ZBTB20: variants seen among roughly 807,000 people sequenced by gnomAD.
ZBTB20 encodes the protein zinc finger and BTB domain containing 20, also known as zinc finger and BTB domain-containing protein 20.
In ZBTB20, 9 loss-of-function variants were observed where a neutral mutation model predicts 56.9. The ratio of observed to expected loss-of-function variants is 0.16; its 90% CI spans 0.10 to 0.28. The LOEUF is 0.28. Ranked by LOEUF, ZBTB20 falls within the 10% of genes least tolerant of loss-of-function variation. The pLI is 1.00. For missense variants in ZBTB20, 655 were observed against 1,003.0 expected (o/e 0.65, Z 4.69); for synonymous variants, 417 against 420.7 (o/e 0.99, Z 0.11).
chr3:114,767,462 CT>C (rs1489117052), intron 5 of ZBTB20, among the ~76,000 whole-genome samples: 1 of 151,366 alleles, frequency 6.6e-6, no homozygotes. Flanking sequence ...ATTAAAAGTC[CT>C]TGATTAAATT....
chr3:114,625,428 C>T (rs949655070), intron 6 of ZBTB20, among the ~76,000 whole-genome samples: 8 of 151,988 alleles, frequency 5.3e-5, no homozygotes, highest in African/African-American at 1.7e-4. Context: ...TACTGTTTTC[C>T]CAATTCAGTA....
chr3:115,095,029 A>C (rs1198285207), intron 1 of ZBTB20, among the ~76,000 whole-genome samples: 2 of 152,050 alleles, frequency 1.3e-5, no homozygotes, highest in African/African-American at 4.8e-5. Context: ...AAATAGATTG[A>C]CCTTTTAAAT....
chr3:115,041,900 C>T (rs770310806), intron 2 of ZBTB20, among the ~76,000 whole-genome samples: 3 of 152,146 alleles, frequency 2.0e-5, no homozygotes, highest in African/African-American at 4.8e-5. Context: ...TGAGGGAAAG[C>T]GGCTATAATG....
chr3:114,331,589 C>G lies in ZBTB20; in HGVS notation c.*7416G>C, dbSNP rs1304198360. 2 of 152,168 alleles carry G rather than the reference C, an allele frequency of 1.3e-5. No individual in the cohort carries two copies. Among genetic ancestry groups the G allele is most frequent in the Non-Finnish European group, 2.9e-5 (2 of 68,040 alleles). The allele number at this position is 152,168 out of a possible 1,614,324, so 9.4% of individuals were successfully genotyped here. On this transcript the variant is annotated 3_prime_UTR_variant, in exon 12 of 12. Coordinates refer to ENST00000675478, the MANE Select transcript of ZBTB20 (RefSeq NM_001348800.3). ...GTATATACACAAACACACACATGTGCACACATGTCAATAAATCCAATAGAA... is the reference window on the plus strand; with the variant it reads ...GTATATACACAAACACACACATGTGGACACATGTCAATAAATCCAATAGAA...
intron 7 of ZBTB20, among the ~76,000 whole-genome samples, chr3:114,485,293 A>G (rs773558375): frequency 1.3e-5 from 2 of 152,260 alleles, no homozygotes; most frequent in Non-Finnish European, 2.9e-5. Context: ...ATTACTGTCT[A>G]GAGTGCATGT....
At chr3:114,729,923 C>T (rs1189307890) in intron 5 of ZBTB20, among the ~76,000 whole-genome samples, 3 of 151,190 alleles carry the variant, frequency 2.0e-5, no homozygotes, top group Non-Finnish European at 2.9e-5. Flanking sequence ...CCCATCTTAG[C>T]CTCATGAGTA....
intron 5 of ZBTB20, among the ~76,000 whole-genome samples, chr3:114,740,578 AGAG>A (rs986115922): frequency 2.6e-5 from 4 of 152,202 alleles, no homozygotes; most frequent in African/African-American, 9.7e-5. Context: ...AGTGGGTGGT[AGAG>A]GAGAAGTAGA....
At chr3:114,847,017 G>A (rs912002300) in intron 4 of ZBTB20, among the ~76,000 whole-genome samples, 1 of 152,180 alleles carries the variant, frequency 6.6e-6, no homozygotes. Context: ...TCCAAGAAAC[G>A]GAATGATTAC....
chr3:114,496,004 G>A (rs1301791511), intron 7 of ZBTB20, among the ~76,000 whole-genome samples: 1 of 152,070 alleles, frequency 6.6e-6, no homozygotes, highest in Non-Finnish European at 1.5e-5. Flanking sequence ...CATAGTCATT[G>A]TCAGAGCAAG....
chr3:114,445,001 G>A (rs1252066503), intron 7 of ZBTB20, among the ~76,000 whole-genome samples: 1 of 152,104 alleles, frequency 6.6e-6, no homozygotes, highest in Admixed American at 6.6e-5. Flanking sequence ...CCCATATTGA[G>A]ATATCTAAAG....
intron 4 of ZBTB20, among the ~76,000 whole-genome samples, chr3:114,824,975 A>G (rs659462): frequency 0.043 from 6,582 of 151,992 alleles, 489 homozygotes; most frequent in African/African-American, 0.15. Context: ...TTTGACTCAC[A>G]TCGCACATTT....
chr3:114,884,382 T>G (rs1476256918), intron 4 of ZBTB20, among the ~76,000 whole-genome samples: 2 of 152,234 alleles, frequency 1.3e-5, no homozygotes, highest in Admixed American at 6.5e-5. Flanking sequence ...CATCTGACTG[T>G]GTTTTTCAAA....
intron 10 of ZBTB20, among the ~76,000 whole-genome samples, chr3:114,378,630 T>C (rs2083944601): frequency 6.6e-6 from 1 of 152,236 alleles, no homozygotes. Flanking sequence ...TTCTATGTAA[T>C]CCATACCCAT....
chr3:114,766,112 A>T (rs889058735), intron 5 of ZBTB20, among the ~76,000 whole-genome samples: 3 of 152,206 alleles, frequency 2.0e-5, no homozygotes, highest in African/African-American at 7.2e-5. Context: ...TTGAATCTAC[A>T]TAAAAATTAA....
Position 115,060,396 on chromosome 3 carries a change from C to A in ZBTB20, c.-507+10823G>T, listed in dbSNP as rs370180492. Among the ~76,000 whole-genome samples, 72 of 152,270 alleles carry A rather than the reference C, an allele frequency of 4.7e-4. 1 individual carries two copies. The East Asian group carries it at 0.013, about 27-fold the overall frequency. On this transcript the variant is annotated intron_variant, in intron 2 of 11. Transcript: ENST00000675478. ...TTTTCCCTATTTCTTTATATGCAAACCCTATCCGTAATTCCATTTCAGTTA... is the reference window on the plus strand; with the variant it reads ...TTTTCCCTATTTCTTTATATGCAAAACCTATCCGTAATTCCATTTCAGTTA...
intron 2 of ZBTB20, among the ~76,000 whole-genome samples, chr3:115,027,817 T>C (rs2080486664): frequency 6.6e-6 from 1 of 150,842 alleles, no homozygotes; most frequent in Non-Finnish European, 1.5e-5. Flanking sequence ...AAATTGACTC[T>C]ATAAATGGAA....
At position 114,778,093 on chromosome 3, in the gene ZBTB20, T is replaced by C. The variant is rs1666734434; in HGVS notation, c.-343+23008A>G. On this transcript the variant is annotated intron_variant, in intron 5 of 11. Coordinates refer to ENST00000675478, the MANE Select transcript of ZBTB20 (RefSeq NM_001348800.3). ...GGGAACATCACACACTGGGGACTGTTGTGGGGTGGGGGGAAGGGGGAGGGA... is the reference window on the plus strand; with the variant it reads ...GGGAACATCACACACTGGGGACTGTCGTGGGGTGGGGGGAAGGGGGAGGGA... Among the ~76,000 whole-genome samples the C allele has an allele frequency of 5.6e-5, 5 of 89,814 alleles. No individual in the cohort carries two copies. The South Asian group carries it at 1.8e-3, about 32-fold the overall frequency. The allele number at this position is 89,814 out of a possible 152,430, so 58.9% of individuals were successfully genotyped here. A position where few individuals can be genotyped will look rare whatever the true frequency, so the allele number is the denominator to read the frequency against.
chr3:114,500,130 T>C (rs2043774891), intron 7 of ZBTB20, among the ~76,000 whole-genome samples: 1 of 152,234 alleles, frequency 6.6e-6, no homozygotes, highest in African/African-American at 2.4e-5. Context: ...GCAGCCTTTA[T>C]AGAAGTACAG....
At chr3:114,800,534 G>A (rs868276905) in intron 5 of ZBTB20, among the ~76,000 whole-genome samples, 17 of 151,876 alleles carry the variant, frequency 1.1e-4, no homozygotes, top group Admixed American at 3.9e-4. Context: ...TGACTGCTTC[G>A]TAGCAGAATG....
Sources: allele counts gnomAD v4.1 joint callset (sites outside exome capture counted in the v4.1 genomes callset), GRCh38; gene constraint gnomAD v4.1.1; transcripts MANE v1.5; gene names NCBI Gene and HGNC (gene_info 2026-07-23, HGNC 2026-07-21).